Variants in SETX observed in about 807,000 individuals in gnomAD.
The protein encoded by SETX is senataxin, also known as helicase senataxin.
SETX carries 90 observed loss-of-function variants against 227.2 expected under a neutral mutation model. The observed-to-expected ratio is 0.40, with a 90% CI of 0.33 to 0.47. The LOEUF is 0.47. SETX is among the 20% of genes least tolerant of loss of function. The probability of loss-of-function intolerance (pLI) is 0.91; values close to 1 mark genes in which losing one functional copy is unlikely to be tolerated. For synonymous variants in SETX, 1,210 were observed against 1,113.2 expected, an observed-to-expected ratio of 1.09 and a Z score of -1.73; for missense variants, 3,052 against 3,181.5, an observed-to-expected ratio of 0.96 and a Z score of 0.98.
At chr9:132,309,385 GA>G (rs112520587) in intron 11 of SETX, among the ~76,000 whole-genome samples, 227 of 142,148 alleles carry the variant, frequency 1.6e-3, no homozygotes, top group African/African-American at 1.9e-3. Flanking sequence ...CTACTTGGGG[GA>G]AAAAAAAAAA....
rs1160096757 is a variant in SETX, at chr9:132,328,064, A to T, written c.3534T>A (p.Ser1178=). 6.2e-7 allele frequency: 1 copy of T among 1,614,190 alleles called. No individual in the cohort carries two copies. Among genetic ancestry groups the T allele is most frequent in the Admixed American group, 1.7e-5 (1 of 60,012 alleles). Residue 1178 remains serine, a synonymous_variant, in exon 10 of 26, where the codon TCT becomes TCA. Transcript: ENST00000224140. The part of the protein sequence containing the change: ...PMAEDPVRPS[S]SVRNEGQSDT... ...CAGACTGGCCCTCATTTCTGACAGA[A>T]GATGAAGGCCTCACAGGATCTTCAG... is the stretch of plus-strand genomic sequence containing the variant.
In SETX at chr9:132,329,349, G is replaced by T. The variant is rs370631806; in HGVS notation, c.2249C>A (p.Ser750Tyr). The T allele has an allele frequency of 1.2e-6, 2 of 1,613,978 alleles. No homozygotes were observed. The highest frequency in any genetic ancestry group is 1.1e-5 in the South Asian group (1 of 91,070). The change falls in exon 10 of 26, where the codon TCT becomes TAT. Residue 750 changes from serine (S) to tyrosine (Y), a missense_variant. Physicochemically the swap from Ser to Tyr is moderately radical, Grantham distance 144. Transcript: ENST00000224140. Reference protein sequence around the residue: ...IIVSTRLLTDSSTDALEKVST... With the variant: ...IIVSTRLLTDYSTDALEKVST... ...CACTTTTTCCAAAGCATCAGTGCTA[G>T]AATCAGTCAACAAACGTGTTGATAC...
intron 2 of SETX, among the ~76,000 whole-genome samples, chr9:132,349,784 GAA>G (rs1488421855): frequency 1.3e-5 from 2 of 152,144 alleles, no homozygotes; most frequent in Non-Finnish European, 2.9e-5. Context: ...TTGGAATGGG[GAA>G]AAAAGTTACC....
chr9:132,328,849 T>A lies in SETX; in HGVS notation c.2749A>T (p.Met917Leu), dbSNP rs761943404. 6.2e-7 allele frequency: 1 copy of A among 1,613,848 alleles called. No homozygotes were observed. Among genetic ancestry groups the A allele is most frequent in the South Asian group, 1.1e-5 (1 of 91,048 alleles). Residue 917 changes from methionine (M) to leucine (L), a missense_variant, in exon 10 of 26, where the codon ATG becomes TTG. By Grantham distance (15) the Met-to-Leu change is conservative. Around this residue, in one of 10 missense-constraint regions of SETX, gnomAD observed 1,483 missense variants for 1,312.0 expected, o/e 1.13. Coordinates refer to ENST00000224140, the MANE Select transcript of SETX (RefSeq NM_015046.7). The stretch of plus-strand genomic sequence containing the variant: ...TCATCTCTTGATTCAGGTACAGTCA[T>A]AAGATCTTTAAAGGGAGATGATTTC... ...EKKSSPFKDL[M>L]TVPESRDEEM...
intron 11 of SETX, among the ~76,000 whole-genome samples, chr9:132,305,817 C>T (rs191713235): frequency 3.1e-4 from 47 of 152,192 alleles, no homozygotes; most frequent in Admixed American, 3.1e-3. Context: ...CTAGATTGGA[C>T]CCTGGAGCAG....
chr9:132,330,744 C>T (rs1847172898), intron 9 of SETX, among the ~76,000 whole-genome samples: 1 of 152,102 alleles, frequency 6.6e-6, no homozygotes, highest in Non-Finnish European at 1.5e-5. Context: ...TTGGTAACAC[C>T]TTTATGTACT....
At chr9:132,348,122 G>A (rs1223917049) in intron 3 of SETX, among the ~76,000 whole-genome samples, 1 of 151,262 alleles carries the variant, frequency 6.6e-6, no homozygotes, top group Non-Finnish European at 1.5e-5. Context: ...ACTTTGGGAG[G>A]CCGAGGTGGG....
At chr9:132,279,924 C>A (rs995213689) in intron 20 of SETX, among the ~76,000 whole-genome samples, 13 of 152,100 alleles carry the variant, frequency 8.5e-5, no homozygotes, top group African/African-American at 3.1e-4. Flanking sequence ...ACCAAACCCA[C>A]GTACATATAC....
At chr9:132,290,756 C>T (rs1428696309) in intron 15 of SETX, among the ~76,000 whole-genome samples, 1 of 151,858 alleles carries the variant, frequency 6.6e-6, no homozygotes, top group African/African-American at 2.4e-5. Flanking sequence ...ATTAGCCAGG[C>T]GTGGTGGCCT....
At chr9:132,278,701 G>T (rs55662533) in intron 20 of SETX, among the ~76,000 whole-genome samples, 3,089 of 152,144 alleles carry the variant, frequency 0.02, 43 homozygotes, top group African/African-American at 0.033. Context: ...TCTTGTGAAA[G>T]ACAACTGATG....
At chr9:132,271,539 G>C (rs1842903579) in intron 24 of SETX, among the ~76,000 whole-genome samples, 171 bp downstream of exon 24, 2 of 152,086 alleles carry the variant, frequency 1.3e-5, no homozygotes, top group South Asian at 2.1e-4. Context: ...TCTAACAGTG[G>C]GTCTATTTCA....
intron 15 of SETX, among the ~76,000 whole-genome samples, chr9:132,291,235 C>T (rs1340441154): frequency 7.2e-6 from 1 of 137,984 alleles, no homozygotes; most frequent in Non-Finnish European, 1.5e-5. Context: ...GGCGCAATCT[C>T]GGCTCTCTGC....
At chr9:132,341,899 A>G (rs1434248550) in intron 5 of SETX, among the ~76,000 whole-genome samples, 2 of 152,118 alleles carry the variant, frequency 1.3e-5, no homozygotes, top group Non-Finnish European at 2.9e-5. Context: ...GGTCCACAGA[A>G]ATAAGTTTTC....
At chr9:132,296,270 A>G (rs887059290) in intron 14 of SETX, among the ~76,000 whole-genome samples, 2 of 152,224 alleles carry the variant, frequency 1.3e-5, no homozygotes, top group African/African-American at 2.4e-5. Flanking sequence ...TACTCAATCC[A>G]AGCCAGGCAC....
chr9:132,265,009 A>C, intron 25 of SETX, 24 bp from the exon 26 acceptor site: 1 of 1,610,520 alleles, frequency 6.2e-7, no homozygotes, highest in Non-Finnish European at 8.5e-7. Context: ...GAAGGGAGAA[A>C]TAATTACACC....
At chr9:132,316,933 T>C (rs1043554313) in intron 10 of SETX, among the ~76,000 whole-genome samples, 1 of 152,204 alleles carries the variant, frequency 6.6e-6, no homozygotes, top group Non-Finnish European at 1.5e-5. Flanking sequence ...TGCTTTTCCT[T>C]ACAAATTATA....
At chr9:132,331,660 A>C (rs1357601945) in intron 7 of SETX, among the ~76,000 whole-genome samples, 1 of 150,370 alleles carries the variant, frequency 6.7e-6, no homozygotes, top group Non-Finnish European at 1.5e-5. Flanking sequence ...AAGCAATACT[A>C]TGATACGTCT....
intron 10 of SETX, among the ~76,000 whole-genome samples, chr9:132,320,297 C>A (rs1589719983): frequency 6.6e-6 from 1 of 152,084 alleles, no homozygotes; most frequent in Admixed American, 6.6e-5. Context: ...AAGTCTAGGC[C>A]GGGCGCAGTG....
chr9:132,334,583 A>G (rs376864602), intron 7 of SETX, 25 bp downstream of exon 7: 24 of 1,613,026 alleles, frequency 1.5e-5, no homozygotes, highest in Non-Finnish European at 2.0e-5. Context: ...ATATTCAACA[A>G]CATTCAGCAA....
Sources: allele counts gnomAD v4.1 joint callset (sites outside exome capture counted in the v4.1 genomes callset), GRCh38; gene constraint gnomAD v4.1.1; regional missense constraint gnomAD v4.1.1; transcripts MANE v1.5; gene names NCBI Gene and HGNC (gene_info 2026-07-23, HGNC 2026-07-21).